CCDC148: variants seen among roughly 807,000 people sequenced by gnomAD.
CCDC148 encodes coiled-coil domain-containing protein 148.
Under a neutral mutation model 85.7 loss-of-function variants are expected in CCDC148, and 89 were observed. The ratio of observed to expected loss-of-function variants is 1.04; its 90% CI spans 0.87 to 1.24. The LOEUF (loss-of-function observed/expected upper bound fraction) is 1.24. CCDC148 is among the 50% of genes most tolerant of loss of function. The pLI is 0.00. For missense variants in CCDC148, 692 were observed against 671.7 expected (o/e 1.03, Z -0.33); for synonymous variants, 230 against 213.9 (o/e 1.08, Z -0.66).
chr2:158,217,219 T>C (rs1232307657), intron 11 of CCDC148, among the ~76,000 whole-genome samples: 1 of 151,462 alleles, frequency 6.6e-6, no homozygotes, highest in Non-Finnish European at 1.5e-5. Flanking sequence ...CTTTTTTTAA[T>C]GTTGAACCAC....
chr2:158,328,852 G>C (rs1692935717), intron 7 of CCDC148, among the ~76,000 whole-genome samples: 1 of 152,174 alleles, frequency 6.6e-6, no homozygotes, highest in East Asian at 1.9e-4. Context: ...CCCACTTTTT[G>C]ATGGGGTTGT....
At chr2:158,371,649 A>C (rs1460466345) in intron 1 of CCDC148, among the ~76,000 whole-genome samples, 3 of 150,978 alleles carry the variant, frequency 2.0e-5, no homozygotes, top group Non-Finnish European at 4.4e-5. Flanking sequence ...TTTCCATATC[A>C]TTCTATTTGT....
chr2:158,417,806 T>G (rs1004513660), intron 1 of CCDC148, among the ~76,000 whole-genome samples: 2 of 152,180 alleles, frequency 1.3e-5, no homozygotes, highest in South Asian at 4.1e-4. Flanking sequence ...AAAGGATTAG[T>G]GGAACCCTGA....
At chr2:158,369,155 C>A (rs534542584) in intron 1 of CCDC148, among the ~76,000 whole-genome samples, 2 of 152,120 alleles carry the variant, frequency 1.3e-5, no homozygotes, top group African/African-American at 4.8e-5. Context: ...ACTATACGGG[C>A]TCTTTTTTTG....
chr2:158,322,296 T>C (rs934939142), intron 7 of CCDC148, among the ~76,000 whole-genome samples: 2 of 152,164 alleles, frequency 1.3e-5, no homozygotes, highest in East Asian at 1.9e-4. Flanking sequence ...GATACAGTCA[T>C]ACATTGTAAT....
chr2:158,384,452 T>C (rs775788246), intron 1 of CCDC148, among the ~76,000 whole-genome samples: 4 of 152,140 alleles, frequency 2.6e-5, no homozygotes, highest in Non-Finnish European at 4.4e-5. Context: ...TGTTCTGTGA[T>C]AGTGGGTGAG....
intron 9 of CCDC148, among the ~76,000 whole-genome samples, chr2:158,296,806 T>C (rs1224508974): frequency 6.6e-6 from 1 of 152,198 alleles, no homozygotes; most frequent in Non-Finnish European, 1.5e-5. Flanking sequence ...AACTAATATG[T>C]AGATTCATCA....
chr2:158,304,298 GA>G (rs1307353764), intron 9 of CCDC148, among the ~76,000 whole-genome samples: 1 of 152,120 alleles, frequency 6.6e-6, no homozygotes, highest in African/African-American at 2.4e-5. Flanking sequence ...ATGGGTGACT[GA>G]CACTGTCCTA....
At chr2:158,272,422 C>T (rs1689739000) in intron 9 of CCDC148, among the ~76,000 whole-genome samples, 1 of 152,076 alleles carries the variant, frequency 6.6e-6, no homozygotes, top group Non-Finnish European at 1.5e-5. Context: ...ATAAAGTATT[C>T]TTGAATAAAA....
At chr2:158,192,661 A>T (rs934027641) in intron 11 of CCDC148, among the ~76,000 whole-genome samples, 3 of 151,976 alleles carry the variant, frequency 2.0e-5, no homozygotes, top group African/African-American at 7.2e-5. Flanking sequence ...CTCTCCCTTC[A>T]TGAGAACTTC....
intron 9 of CCDC148, among the ~76,000 whole-genome samples, chr2:158,286,223 G>C (rs114809289): frequency 6.6e-6 from 1 of 151,990 alleles, no homozygotes; most frequent in Non-Finnish European, 1.5e-5. Context: ...ATGTAGAAAT[G>C]AATCTGGCAA....
intron 9 of CCDC148, among the ~76,000 whole-genome samples, chr2:158,302,812 G>C (rs1239278284): frequency 6.6e-6 from 1 of 152,102 alleles, no homozygotes; most frequent in Non-Finnish European, 1.5e-5. Context: ...AGATGGCTCT[G>C]GGGAGGATGT....
chr2:158,309,706 AC>A lies in CCDC148; in HGVS notation c.904-68del, dbSNP rs1415091190. The A allele has an allele frequency of 3.6e-6, 4 of 1,106,578 alleles. No individual in the cohort carries two copies. In the African/African-American group the frequency reaches 4.7e-5, roughly 13 times the overall value. The allele number at this position is 1,106,578 out of a possible 1,614,324, so 68.5% of individuals were successfully genotyped here. On this transcript the variant is annotated intron_variant, in intron 8 of 13. Transcript: ENST00000283233. ...TGAGCTTACATTTTGCATCATTGTT[AC>A]AAAAATGAAAAGAAAATGAATTATA...
intron 1 of CCDC148, among the ~76,000 whole-genome samples, chr2:158,430,863 A>C (rs1485335702): frequency 6.6e-6 from 1 of 151,962 alleles, no homozygotes; most frequent in Non-Finnish European, 1.5e-5. Context: ...CCAGGGCTTA[A>C]AAGAAAACAT....
In CCDC148 at chr2:158,178,957, C is replaced by A. The variant is rs1684733729; in HGVS notation, c.1410G>T (p.Met470Ile). ...YRQELLERRL[M>I]EKKEVALQEA... ...CTTGAAGGGCCACTTCCTTTTTCTCCATCAAACGCCTTTCCAATAATTCTT... is the reference window on the plus strand; with the variant it reads ...CTTGAAGGGCCACTTCCTTTTTCTCAATCAAACGCCTTTCCAATAATTCTT... The change falls in exon 12 of 14, where the codon ATG becomes ATT. Residue 470 changes from methionine to isoleucine, a missense_variant. Coordinates refer to ENST00000283233, the MANE Select transcript of CCDC148 (RefSeq NM_138803.4). 1.2e-6 allele frequency: 2 copies of A among 1,613,332 alleles called. No homozygotes were observed. Among genetic ancestry groups the A allele is most frequent in the African/African-American group, 2.7e-5 (2 of 74,864 alleles).
At chr2:158,428,301 A>G (rs1380079108) in intron 1 of CCDC148, among the ~76,000 whole-genome samples, 1 of 152,196 alleles carries the variant, frequency 6.6e-6, no homozygotes, top group Admixed American at 6.5e-5. Context: ...GAGAGAATAT[A>G]CAAGGTGGTA....
intron 1 of CCDC148, among the ~76,000 whole-genome samples, chr2:158,404,244 T>A (rs1474599132): frequency 6.6e-6 from 1 of 152,038 alleles, no homozygotes; most frequent in Admixed American, 6.6e-5. Context: ...TGCAATATAA[T>A]GGCAAGGATG....
intron 5 of CCDC148, 95 bp from the exon 6 acceptor site, chr2:158,339,180 G>C: frequency 2.1e-6 from 2 of 973,714 alleles, no homozygotes; most frequent in Non-Finnish European, 3.2e-6. Flanking sequence ...AAGCCAATCA[G>C]TGATGAAGTT....
intron 11 of CCDC148, among the ~76,000 whole-genome samples, chr2:158,181,157 G>A (rs1684883211): frequency 1.3e-5 from 2 of 152,140 alleles, no homozygotes; most frequent in African/African-American, 2.4e-5. Context: ...AGAACCTTTG[G>A]AAAGTTTCTC....
Sources: allele counts gnomAD v4.1 joint callset (sites outside exome capture counted in the v4.1 genomes callset), GRCh38; gene constraint gnomAD v4.1.1; transcripts MANE v1.5; gene names NCBI Gene and HGNC (gene_info 2026-07-23, HGNC 2026-07-21).